Variants in COL4A5 observed in about 807,000 individuals in gnomAD.
The protein encoded by COL4A5 is collagen alpha-5(IV) chain.
A neutral mutation model predicts 130.2 loss-of-function variants in COL4A5; 26 were observed. The observed-to-expected ratio is 0.20, with a 90% CI of 0.15 to 0.28. COL4A5 has a LOEUF of 0.28. Ranked by LOEUF, COL4A5 falls within the 10% of genes least tolerant of loss-of-function variation. COL4A5 has a pLI of 1.00. For synonymous variants in COL4A5, 496 were observed against 439.6 expected (o/e 1.13, Z -1.60); for missense variants, 1,131 against 1,344.3 (o/e 0.84, Z 2.48).
At chrX:108,676,573 T>A (rs1459403077) in intron 43 of COL4A5, among the ~76,000 whole-genome samples, 2 of 112,426 alleles carry the variant, frequency 1.8e-5, no homozygotes, top group Non-Finnish European at 3.8e-5. Flanking sequence ...CAGAATTCTT[T>A]ATTTTTCTTG....
At chrX:108,594,734 A>G (rs1407405926) in intron 21 of COL4A5, among the ~76,000 whole-genome samples, 1 of 109,276 alleles carries the variant, frequency 9.2e-6, no homozygotes, top group Non-Finnish European at 1.9e-5. Flanking sequence ...TTCTCAATCA[A>G]GTCTATCCTG....
chrX:108,506,544 G>A (rs2065126103), intron 1 of COL4A5, among the ~76,000 whole-genome samples: 1 of 111,142 alleles, frequency 9.0e-6, no homozygotes, highest in African/African-American at 3.3e-5. Context: ...TTCTCATAAG[G>A]AGAGTGCAAC....
intron 18 of COL4A5, among the ~76,000 whole-genome samples, chrX:108,585,105 A>G (rs1200407437): frequency 8.9e-6 from 1 of 112,081 alleles, no homozygotes; most frequent in Non-Finnish European, 1.9e-5. Flanking sequence ...GTTCACTATG[A>G]AATTTAAGTC....
chrX:108,458,959 G>A (rs2064614104), intron 1 of COL4A5, among the ~76,000 whole-genome samples: 1 of 96,273 alleles, frequency 1.0e-5, no homozygotes, highest in South Asian at 5.1e-4. Flanking sequence ...CAGCCTGGGT[G>A]ACAGCGAGAC....
chrX:108,496,430 T>C (rs1458754097), intron 1 of COL4A5, among the ~76,000 whole-genome samples: 1 of 111,775 alleles, frequency 8.9e-6, no homozygotes, highest in Non-Finnish European at 1.9e-5. Flanking sequence ...ATAATGTACT[T>C]TGTATGATTG....
intron 40 of COL4A5, among the ~76,000 whole-genome samples, chrX:108,667,890 T>C (rs1400965655): frequency 9.0e-6 from 1 of 111,383 alleles, no homozygotes; most frequent in Non-Finnish European, 1.9e-5. Context: ...TTGGGTAGAA[T>C]GGTCTTCGGG....
chrX:108,593,435 T>G (rs950946800), intron 21 of COL4A5, among the ~76,000 whole-genome samples: 8 of 111,854 alleles, frequency 7.2e-5, no homozygotes, highest in Non-Finnish European at 1.5e-4. Context: ...TGAAATCAAA[T>G]TAATTAATTT....
intron 30 of COL4A5, among the ~76,000 whole-genome samples, chrX:108,616,104 C>T (rs1275712573): frequency 3.6e-5 from 4 of 111,656 alleles, no homozygotes; most frequent in Non-Finnish European, 7.5e-5. Context: ...TTGCTTTGAA[C>T]CAGGTTGTTA....
intron 1 of COL4A5, among the ~76,000 whole-genome samples, chrX:108,531,047 A>G (rs1009446258): frequency 2.8e-5 from 3 of 105,924 alleles, no homozygotes; most frequent in African/African-American, 1.0e-4. Flanking sequence ...TGATGAGCTC[A>G]TGTCCTTTGT....
intron 17 of COL4A5, among the ~76,000 whole-genome samples, chrX:108,583,755 G>A (rs1176774473): frequency 9.0e-6 from 1 of 111,169 alleles, no homozygotes. Flanking sequence ...ATAGATGGAT[G>A]GCTTCTATGA....
chrX:108,444,298 C>T (rs1303796154), intron 1 of COL4A5, among the ~76,000 whole-genome samples: 6 of 108,520 alleles, frequency 5.5e-5, no homozygotes, highest in African/African-American at 2.0e-4. Flanking sequence ...CGGCTCACTG[C>T]AAGCTCTGCC....
In COL4A5 at chrX:108,670,252, C is replaced by A; in HGVS notation, c.3799+16C>A. On this transcript the variant is annotated intron_variant, in intron 42 of 52. Transcript: ENST00000328300. ...GGTCCTACAGGTTAGCTCCTTAACT[C>A]CAAAGTAGTAACTGCATGAAGTTTG... 8.3e-7 allele frequency: 1 copy of A among 1,210,034 alleles called. No individual in the cohort carries two copies. Among genetic ancestry groups the A allele is most frequent in the Non-Finnish European group, 1.1e-6 (1 of 894,575 alleles).
chrX:108,526,024 A>G (rs2147619622), intron 1 of COL4A5, among the ~76,000 whole-genome samples: 1 of 111,825 alleles, frequency 8.9e-6, no homozygotes, highest in South Asian at 3.7e-4. Context: ...ACAAGAGTCT[A>G]AGAACTCTCA....
At chrX:108,486,391 C>T (rs2064945039) in intron 1 of COL4A5, among the ~76,000 whole-genome samples, 1 of 111,485 alleles carries the variant, frequency 9.0e-6, no homozygotes, top group African/African-American at 3.3e-5. Context: ...TACTATCTTG[C>T]TCCACCCCCA....
intron 1 of COL4A5, among the ~76,000 whole-genome samples, chrX:108,475,458 A>G (rs1003932347): frequency 1.8e-5 from 2 of 111,507 alleles, no homozygotes; most frequent in African/African-American, 6.5e-5. Flanking sequence ...AGGACCTCCA[A>G]TATAATATTC....
At chrX:108,507,826 A>G (rs2065141652) in intron 1 of COL4A5, among the ~76,000 whole-genome samples, 1 of 111,401 alleles carries the variant, frequency 9.0e-6, no homozygotes, top group African/African-American at 3.3e-5. Context: ...CAAATAACCA[A>G]AAACTCAACA....
chrX:108,587,814 A>C (rs1569492430), intron 19 of COL4A5, among the ~76,000 whole-genome samples: 1 of 110,903 alleles, frequency 9.0e-6, no homozygotes, highest in Non-Finnish European at 1.9e-5. Context: ...TAGCCATATT[A>C]ACTGGGGTAT....
At chrX:108,479,781 C>A (rs1425693438) in intron 1 of COL4A5, among the ~76,000 whole-genome samples, 1 of 111,897 alleles carries the variant, frequency 8.9e-6, no homozygotes, top group Non-Finnish European at 1.9e-5. Flanking sequence ...GTCAGAAAAG[C>A]ACCCAGTTTA....
intron 1 of COL4A5, among the ~76,000 whole-genome samples, chrX:108,515,868 A>AT (rs1167720856): frequency 1.0e-4 from 11 of 109,405 alleles, no homozygotes; most frequent in Admixed American, 3.9e-4. Flanking sequence ...TTAAGACTGC[A>AT]TTTTTTTTTC....
Sources: allele counts gnomAD v4.1 joint callset (sites outside exome capture counted in the v4.1 genomes callset), GRCh38; gene constraint gnomAD v4.1.1; transcripts MANE v1.5; gene names NCBI Gene and HGNC (gene_info 2026-07-23, HGNC 2026-07-21).